RNF121: variants seen among roughly 807,000 people sequenced by gnomAD.
RNF121 encodes the protein ring finger protein 121, also known as E3 ubiquitin ligase RNF121.
In RNF121, 21 loss-of-function variants were observed where a neutral mutation model predicts 46.5. The observed-to-expected ratio is 0.45, with a 90% CI of 0.32 to 0.65. The LOEUF (loss-of-function observed/expected upper bound fraction) is 0.65, where lower values mean the gene tolerates loss of function less well. RNF121 is among the 30% of genes least tolerant of loss of function. The pLI is 0.04. For synonymous variants in RNF121, 139 were observed against 144.7 expected, an observed-to-expected ratio of 0.96 and a Z score of 0.28; for missense variants, 346 against 416.0, an observed-to-expected ratio of 0.83 and a Z score of 1.46.
At chr11:71,989,262 G>T (rs962011231) in intron 5 of RNF121, among the ~76,000 whole-genome samples, 1 of 152,078 alleles carries the variant, frequency 6.6e-6, no homozygotes, top group Non-Finnish European at 1.5e-5. Flanking sequence ...TATATTTTTA[G>T]TAAGGATGGG....
At chr11:71,965,237 C>T (rs1403404837) in intron 3 of RNF121, among the ~76,000 whole-genome samples, 1 of 149,064 alleles carries the variant, frequency 6.7e-6, no homozygotes, top group Non-Finnish European at 1.5e-5. Flanking sequence ...TCCTCTTAAA[C>T]TAATGACTGC....
Position 71,957,226 on chromosome 11 carries a change from G to A in RNF121, c.64-1G>A. 1 of 1,599,796 alleles carries A rather than the reference G, an allele frequency of 6.3e-7. No homozygotes were observed. Among genetic ancestry groups the A allele is most frequent in the Non-Finnish European group, 8.6e-7 (1 of 1,166,918 alleles). On this transcript the variant is annotated splice_acceptor_variant, in intron 1 of 8. Transcript: ENST00000361756. LOFTEE classifies it high-confidence loss of function. ...ATTTTTCTGGTGGTGTCTTTCTACA[G>A]GTTGATATGTCAGATCTCTCTCCAG...
At chr11:71,980,402 G>A (rs887825809) in intron 3 of RNF121, among the ~76,000 whole-genome samples, 1 of 151,404 alleles carries the variant, frequency 6.6e-6, no homozygotes, top group African/African-American at 2.4e-5. Context: ...GCTGGAGTGC[G>A]ATGGCGCGAT....
chr11:71,947,297 C>T (rs1314062960), intron 1 of RNF121, among the ~76,000 whole-genome samples: 1 of 152,078 alleles, frequency 6.6e-6, no homozygotes, highest in Non-Finnish European at 1.5e-5. Context: ...CACTTGAGCC[C>T]AGAAGTTTGT....
intron 3 of RNF121, among the ~76,000 whole-genome samples, chr11:71,972,470 T>C (rs1393516907): frequency 6.6e-6 from 1 of 152,168 alleles, no homozygotes; most frequent in Non-Finnish European, 1.5e-5. Flanking sequence ...CTAGTGCAGG[T>C]TGGTGGCGCA....
chr11:71,990,864 TC>T (rs1212390835), intron 6 of RNF121, 147 bp downstream of exon 6: 6 of 952,062 alleles, frequency 6.3e-6, no homozygotes, highest in Non-Finnish European at 9.2e-6. Context: ...GGACATTCCT[TC>T]CTTAAAGTTT....
chr11:71,956,015 A>G (rs775283010), intron 1 of RNF121, among the ~76,000 whole-genome samples: 5 of 152,218 alleles, frequency 3.3e-5, no homozygotes, highest in African/African-American at 7.2e-5. Context: ...GCCACCTTCA[A>G]TAGTGATGGG....
chr11:71,930,416 G>A lies in RNF121; in HGVS notation c.63+1292G>A, dbSNP rs140148002. Among the ~76,000 whole-genome samples the A allele has an allele frequency of 3.7e-3, 567 of 152,282 alleles. 3 individuals carry two copies. The highest frequency in any genetic ancestry group is 0.013 in the African/African-American group (548 of 41,532). Reference sequence around the variant, plus strand: ...TAAGACTGTTGCCTGGTAGTGGGATGAGTTGGAGGAGTTGGATTACCTGAT... The same window carrying A: ...TAAGACTGTTGCCTGGTAGTGGGATAAGTTGGAGGAGTTGGATTACCTGAT... On this transcript the variant is annotated intron_variant, in intron 1 of 8. Transcript: ENST00000361756.
At chr11:71,978,181 G>A (rs1304029014) in intron 3 of RNF121, 1 of 452,262 alleles carries the variant, frequency 2.2e-6, no homozygotes, top group Non-Finnish European at 4.4e-6. Context: ...AATTACAGGA[G>A]TGAGCCACCA....
rs566787622 is a variant in RNF121 at position 71,996,379 on chromosome 11, T to C, written c.*64T>C. On this transcript the variant is annotated 3_prime_UTR_variant, in exon 9 of 9. Transcript: ENST00000361756. Reference sequence around the variant, plus strand: ...ATGGACCTCAGGGCACTCTCCTCCCTGCCCACAAAGACCTCCTGGGTGGGA... The same window carrying C: ...ATGGACCTCAGGGCACTCTCCTCCCCGCCCACAAAGACCTCCTGGGTGGGA... 1 of 1,584,636 alleles carries C rather than the reference T, an allele frequency of 6.3e-7. No homozygotes were observed. The highest frequency in any genetic ancestry group is 1.3e-5 in the African/African-American group (1 of 74,446).
chr11:71,966,059 G>T (rs1954268909), intron 3 of RNF121, among the ~76,000 whole-genome samples: 1 of 152,114 alleles, frequency 6.6e-6, no homozygotes, highest in South Asian at 2.1e-4. Flanking sequence ...CCCTCTTGTT[G>T]CCCAGGCTGG....
intron 3 of RNF121, among the ~76,000 whole-genome samples, chr11:71,979,017 GT>G (rs970151152): frequency 2.0e-5 from 3 of 152,160 alleles, no homozygotes; most frequent in African/African-American, 7.2e-5. Context: ...TGAAATTAGG[GT>G]TTGATTTAGA....
At chr11:71,943,732 C>T (rs1016590270) in intron 1 of RNF121, among the ~76,000 whole-genome samples, 4 of 152,080 alleles carry the variant, frequency 2.6e-5, no homozygotes, top group African/African-American at 9.7e-5. Flanking sequence ...GAAAAGACTC[C>T]CTAGAAGTGA....
chr11:71,957,918 T>G (rs915949034), intron 2 of RNF121, among the ~76,000 whole-genome samples: 1 of 152,104 alleles, frequency 6.6e-6, no homozygotes, highest in Admixed American at 6.6e-5. Context: ...AATTTAATAG[T>G]GAGAAAAAAC....
At chr11:71,978,275 A>G (rs1954574289) in intron 3 of RNF121, 2 of 379,710 alleles carry the variant, frequency 5.3e-6, no homozygotes, top group South Asian at 3.7e-5. Context: ...TGTTCTGTTC[A>G]CTCAGCTCCT....
At chr11:71,944,165 C>T (rs1028446700) in intron 1 of RNF121, among the ~76,000 whole-genome samples, 2 of 152,096 alleles carry the variant, frequency 1.3e-5, no homozygotes, top group African/African-American at 4.8e-5. Flanking sequence ...AACCCCGTCT[C>T]TACTAAAAAT....
Position 71,962,312 on chromosome 11 carries a change from C to G in RNF121, c.243+1421C>G, listed in dbSNP as rs548563299. ...AAAGTGAGTATGCATATATGCACTG[C>G]AGTAATTTTCAATAAGAACTTTTTC... is the stretch of plus-strand genomic sequence containing the variant. On this transcript the variant is annotated intron_variant, in intron 3 of 8. Transcript: ENST00000361756. The G allele has an allele frequency of 6.1e-6, 6 of 982,764 alleles. No homozygotes were observed. The South Asian group carries it at 1.4e-4, about 23-fold the overall frequency. 60.9% of individuals were successfully genotyped at this position (982,764 alleles called of 1,614,324 possible). A position where few individuals can be genotyped will look rare whatever the true frequency, so the allele number is the denominator to read the frequency against.
intron 3 of RNF121, among the ~76,000 whole-genome samples, chr11:71,968,265 G>C (rs543529837): frequency 6.6e-6 from 1 of 152,050 alleles, no homozygotes; most frequent in Admixed American, 6.6e-5. Context: ...TCACCATGTT[G>C]GCCAGGCTGA....
intron 3 of RNF121, among the ~76,000 whole-genome samples, chr11:71,969,706 G>C (rs946303051): frequency 6.6e-6 from 1 of 152,066 alleles, no homozygotes; most frequent in Non-Finnish European, 1.5e-5. Context: ...GGGACCACAG[G>C]TGTGCACCAC....
Sources: allele counts gnomAD v4.1 joint callset (sites outside exome capture counted in the v4.1 genomes callset), GRCh38; gene constraint gnomAD v4.1.1; transcripts MANE v1.5; gene names NCBI Gene and HGNC (gene_info 2026-07-23, HGNC 2026-07-21).